The following FBXL7 variants were observed in gnomAD, a reference collection of about 807,000 sequenced individuals.
The protein encoded by FBXL7 is F-box and leucine rich repeat protein 7.
FBXL7 carries 12 observed loss-of-function variants against 38.3 expected under a neutral mutation model. The observed-to-expected ratio is 0.31, with a 90% confidence interval of 0.20 to 0.51. The LOEUF is 0.51. Among genes scored for constraint, FBXL7 ranks in the 20% least tolerant of loss-of-function variants. The probability of loss-of-function intolerance (pLI) is 0.98; values close to 1 mark genes in which losing one functional copy is unlikely to be tolerated. For missense variants in FBXL7, 567 were observed against 676.4 expected, an observed-to-expected ratio of 0.84 and a Z score of 1.79; for synonymous variants, 297 against 300.9, an observed-to-expected ratio of 0.99 and a Z score of 0.13.
chr5:15,937,076 C>A lies in FBXL7; in HGVS notation c.1366C>A (p.Leu456Ile). Residue 456 changes from leucine (L) to isoleucine (I), a missense_variant, in exon 4 of 4, where the codon CTC becomes ATC. Coordinates refer to ENST00000504595, the MANE Select transcript of FBXL7 (RefSeq NM_012304.5). ...LQIVAANCFD[L>I]QTLNVQDCEV... ...GATCGTGGCCGCCAACTGCTTTGAC[C>A]TCCAGACGCTGAATGTCCAGGACTG... is the stretch of plus-strand genomic sequence containing the variant. 1 of 1,614,024 alleles carries A rather than the reference C, an allele frequency of 6.2e-7. No homozygotes were observed. The highest frequency in any genetic ancestry group is 8.5e-7 in the Non-Finnish European group (1 of 1,179,894).
chr5:15,531,367 C>T (rs1453064488), intron 1 of FBXL7, among the ~76,000 whole-genome samples: 1 of 152,112 alleles, frequency 6.6e-6, no homozygotes, highest in Non-Finnish European at 1.5e-5. Context: ...TTCAAAAATT[C>T]TCGTTAAAAT....
At chr5:15,747,125 G>A (rs1736036778) in intron 2 of FBXL7, among the ~76,000 whole-genome samples, 1 of 152,250 alleles carries the variant, frequency 6.6e-6, no homozygotes, top group Non-Finnish European at 1.5e-5. Context: ...AGGGAGGTGG[G>A]AATTCAGCAG....
chr5:15,920,549 C>T (rs140122911), intron 2 of FBXL7, among the ~76,000 whole-genome samples: 9 of 152,060 alleles, frequency 5.9e-5, no homozygotes, highest in African/African-American at 1.9e-4. Context: ...GAGACAGAGT[C>T]TCCCTCTGTC....
intron 2 of FBXL7, among the ~76,000 whole-genome samples, chr5:15,892,993 G>T (rs949459882): frequency 6.6e-6 from 1 of 151,958 alleles, no homozygotes; most frequent in Non-Finnish European, 1.5e-5. Flanking sequence ...GTGGGCACCT[G>T]TAGTCCCAGC....
chr5:15,638,302 T>C (rs1359296882), intron 2 of FBXL7, among the ~76,000 whole-genome samples: 1 of 152,156 alleles, frequency 6.6e-6, no homozygotes, highest in African/African-American at 2.4e-5. Context: ...CATAGGGTTG[T>C]TCCTGTGTGT....
At chr5:15,851,386 C>A (rs1045998968) in intron 2 of FBXL7, among the ~76,000 whole-genome samples, 2 of 152,168 alleles carry the variant, frequency 1.3e-5, no homozygotes, top group African/African-American at 4.8e-5. Context: ...CAGGTCGCAA[C>A]GGCACCTAAC....
chr5:15,738,676 C>A (rs1364773747), intron 2 of FBXL7, among the ~76,000 whole-genome samples: 1 of 152,186 alleles, frequency 6.6e-6, no homozygotes, highest in Non-Finnish European at 1.5e-5. Flanking sequence ...CTGTGTGGTA[C>A]CATCTTAGGG....
intron 2 of FBXL7, among the ~76,000 whole-genome samples, chr5:15,637,419 A>G (rs1169013370): frequency 6.6e-6 from 1 of 152,216 alleles, no homozygotes; most frequent in Non-Finnish European, 1.5e-5. Context: ...ATTTTTTGAA[A>G]TTATGTAGGC....
chr5:15,714,717 C>T (rs1216755531), intron 2 of FBXL7, among the ~76,000 whole-genome samples: 3 of 151,814 alleles, frequency 2.0e-5, no homozygotes, highest in Admixed American at 6.6e-5. Flanking sequence ...GGAATGGTGG[C>T]GGGCGCCTGT....
chr5:15,718,868 G>T (rs1327648139), intron 2 of FBXL7, among the ~76,000 whole-genome samples: 1 of 152,190 alleles, frequency 6.6e-6, no homozygotes, highest in Non-Finnish European at 1.5e-5. Context: ...ATTTTAAGTG[G>T]TGCCAAAACC....
chr5:15,937,555 C>G lies in FBXL7; in HGVS notation c.*369C>G, dbSNP rs1420103818. The stretch of plus-strand genomic sequence containing the variant: ...ACCCCCACAGTTCCACGCCCCCCCC[C>G]CAAGGCCACACCCTCCCTCCCTAGA... On this transcript the variant is annotated 3_prime_UTR_variant, in exon 4 of 4. Coordinates refer to ENST00000504595, the MANE Select transcript of FBXL7 (RefSeq NM_012304.5). The G allele has an allele frequency of 2.4e-4, 32 of 136,142 alleles. No homozygotes were observed. The highest frequency in any genetic ancestry group is 8.8e-4 in the South Asian group (8 of 9,110). The allele number at this position is 136,142 out of a possible 1,614,324, so 8.4% of individuals were successfully genotyped here.
intron 2 of FBXL7, among the ~76,000 whole-genome samples, chr5:15,673,173 G>A (rs1300933254): frequency 6.6e-6 from 1 of 151,956 alleles, no homozygotes; most frequent in Non-Finnish European, 1.5e-5. Context: ...AAAATTAACC[G>A]GGCCTGGTGG....
At chr5:15,749,520 G>A (rs930295113) in intron 2 of FBXL7, among the ~76,000 whole-genome samples, 3 of 151,976 alleles carry the variant, frequency 2.0e-5, no homozygotes, top group Non-Finnish European at 4.4e-5. Context: ...CCAGCTACTC[G>A]GGAGGCTGAG....
intron 1 of FBXL7, among the ~76,000 whole-genome samples, chr5:15,610,801 C>T (rs1740206584): frequency 6.6e-6 from 1 of 152,096 alleles, no homozygotes; most frequent in African/African-American, 2.4e-5. Context: ...CTCACACTAC[C>T]CTAAGTACTC....
rs111243263 is a variant in FBXL7, at chr5:15,847,184, G to A, written c.128-80706G>A. On this transcript the variant is annotated intron_variant, in intron 2 of 3. Coordinates refer to ENST00000504595, the MANE Select transcript of FBXL7 (RefSeq NM_012304.5). ...ATGCTACTAATACAGACATACCCAAGACTGGGTAATTTATAAAGGAAAGAG... is the reference window on the plus strand; with the variant it reads ...ATGCTACTAATACAGACATACCCAAAACTGGGTAATTTATAAAGGAAAGAG... Among the ~76,000 whole-genome samples, 16 of 152,242 alleles carry A rather than the reference G, an allele frequency of 1.1e-4. No individual in the cohort carries two copies. In the East Asian group the frequency reaches 2.9e-3, roughly 28 times the overall value.
At chr5:15,905,542 T>C (rs1741335677) in intron 2 of FBXL7, among the ~76,000 whole-genome samples, 2 of 152,064 alleles carry the variant, frequency 1.3e-5, no homozygotes, top group South Asian at 4.1e-4. Context: ...TTTTTGTATC[T>C]TCAGTCCTCT....
intron 2 of FBXL7, among the ~76,000 whole-genome samples, chr5:15,717,090 G>C (rs556219728): frequency 6.6e-6 from 1 of 152,250 alleles, no homozygotes; most frequent in East Asian, 1.9e-4. Context: ...TATGATTAAA[G>C]ATCTTATTAT....
chr5:15,643,421 A>T (rs752116437), intron 2 of FBXL7, among the ~76,000 whole-genome samples: 4 of 152,180 alleles, frequency 2.6e-5, no homozygotes, highest in Non-Finnish European at 4.4e-5. Flanking sequence ...AGAAACACAC[A>T]CTGGGGTTTT....
At chr5:15,690,199 C>G (rs1297386232) in intron 2 of FBXL7, among the ~76,000 whole-genome samples, 1 of 152,070 alleles carries the variant, frequency 6.6e-6, no homozygotes, top group African/African-American at 2.4e-5. Flanking sequence ...TTTTGCTTTC[C>G]AACTTTCAAA....
Sources: gnomAD v4.1 joint callset for allele counts (sites outside exome capture counted in the v4.1 genomes callset) on GRCh38, gnomAD v4.1.1 for gene constraint, MANE v1.5 for transcripts, NCBI Gene and HGNC (gene_info 2026-07-23, HGNC 2026-07-21) for gene names.